PCBP3: variants seen among roughly 807,000 people sequenced by gnomAD.
The protein encoded by PCBP3 is poly(rC) binding protein 3.
Under a neutral mutation model 52.7 loss-of-function variants are expected in PCBP3, and 25 were observed. That is an observed-to-expected ratio of 0.47 (90% CI 0.35 to 0.66). The LOEUF (loss-of-function observed/expected upper bound fraction) is 0.66. Among genes scored for constraint, PCBP3 ranks in the 30% least tolerant of loss-of-function variants. The pLI is 0.01. For missense variants in PCBP3, 391 were observed against 490.3 expected (o/e 0.80, Z 1.91); for synonymous variants, 162 against 183.0 (o/e 0.89, Z 0.93).
intron 4 of PCBP3, among the ~76,000 whole-genome samples, chr21:45,832,220 C>CGTTCCTG (rs1292475376): frequency 1.2e-4 from 18 of 152,178 alleles, no homozygotes; most frequent in African/African-American, 4.3e-4. Context: ...GTTGCCATGG[C>CGTTCCTG]ATTTGTAAAC....
intron 4 of PCBP3, among the ~76,000 whole-genome samples, chr21:45,783,602 G>T (rs1339570440): frequency 2.0e-5 from 3 of 152,200 alleles, no homozygotes; most frequent in Admixed American, 6.5e-5. Context: ...AGAAGTTAGG[G>T]TGAGGACGGG....
intron 5 of PCBP3, chr21:45,869,207 G>A (rs1284509876): frequency 1.3e-5 from 2 of 152,222 alleles, no homozygotes; most frequent in Non-Finnish European, 2.9e-5. Flanking sequence ...GGGATTAACA[G>A]GCCGTCAGCG....
At chr21:45,789,465 G>C (rs533082043) in intron 4 of PCBP3, among the ~76,000 whole-genome samples, 1 of 152,152 alleles carries the variant, frequency 6.6e-6, no homozygotes, top group Non-Finnish European at 1.5e-5. Context: ...CATGCAGTTG[G>C]GGGTTGCCAG....
At chr21:45,899,339 A>C (rs974248201) in intron 6 of PCBP3, among the ~76,000 whole-genome samples, 2 of 152,068 alleles carry the variant, frequency 1.3e-5, no homozygotes, top group Non-Finnish European at 2.9e-5. Flanking sequence ...CCCCCGGGGC[A>C]CTTACAGTCA....
At chr21:45,836,989 C>A (rs956859799) in intron 4 of PCBP3, among the ~76,000 whole-genome samples, 1 of 152,118 alleles carries the variant, frequency 6.6e-6, no homozygotes, top group Non-Finnish European at 1.5e-5. Flanking sequence ...GTGATGCTTC[C>A]GTGGACATTC....
intron 3 of PCBP3, chr21:45,748,192 A>C (rs772934246): frequency 1.3e-5 from 2 of 152,484 alleles, no homozygotes; most frequent in Non-Finnish European, 2.9e-5. Context: ...CCATCCATTC[A>C]TTGGAGATGC....
In PCBP3 at chr21:45,905,822, C is replaced by T. The variant is rs142329808; in HGVS notation, c.340-3533C>T. ...AGCCCCATCTCTAAACACAATCACA[C>T]GGAGGGTCAGGGTTTCAGTGGATGA... is the stretch of plus-strand genomic sequence containing the variant. On this transcript the variant is annotated intron_variant, in intron 9 of 17. Coordinates refer to ENST00000681687, the MANE Select transcript of PCBP3 (RefSeq NM_001384156.1). Among the ~76,000 whole-genome samples, 274 of 152,262 alleles carry T rather than the reference C, an allele frequency of 1.8e-3. 2 individuals carry two copies. The highest frequency in any genetic ancestry group is 5.2e-3 in the African/African-American group (218 of 41,552).
intron 2 of PCBP3, among the ~76,000 whole-genome samples, chr21:45,713,092 C>A (rs1326207334): frequency 6.6e-6 from 1 of 152,152 alleles, no homozygotes; most frequent in Non-Finnish European, 1.5e-5. Context: ...CTACAGAGGC[C>A]AGCTTCTAGG....
At chr21:45,816,932 C>T (rs150912622) in intron 4 of PCBP3, among the ~76,000 whole-genome samples, 292 of 152,112 alleles carry the variant, frequency 1.9e-3, no homozygotes, top group Middle Eastern at 6.8e-3. Flanking sequence ...TCACCACAGG[C>T]GTGGGGGGAG....
chr21:45,723,551 C>G (rs2084815884), intron 2 of PCBP3, among the ~76,000 whole-genome samples: 2 of 152,218 alleles, frequency 1.3e-5, no homozygotes, highest in Admixed American at 1.3e-4. Context: ...TAAAGCCCAT[C>G]AGTGTAATTT....
chr21:45,930,056 A>C (rs1161623883), intron 14 of PCBP3, 61 bp downstream of exon 14: 1 of 1,268,036 alleles, frequency 7.9e-7, no homozygotes, highest in Non-Finnish European at 1.2e-6. Context: ...TCTCTTTCTG[A>C]GCTGTGTTAT....
intron 1 of PCBP3, among the ~76,000 whole-genome samples, chr21:45,646,083 T>C (rs9978687): frequency 0.14 from 14,041 of 98,114 alleles, 1,196 homozygotes; most frequent in Middle Eastern, 0.25. Context: ...CTCTCTCTCT[T>C]TCTCTCTCTC....
At chr21:45,909,742 C>T (rs1452507086) in intron 10 of PCBP3, among the ~76,000 whole-genome samples, 3 of 147,938 alleles carry the variant, frequency 2.0e-5, no homozygotes, top group Non-Finnish European at 4.5e-5. Flanking sequence ...AGACCTGGCC[C>T]ACCCACTGCC....
At chr21:45,655,741 C>T (rs1385836977) in intron 1 of PCBP3, among the ~76,000 whole-genome samples, 7 of 152,020 alleles carry the variant, frequency 4.6e-5, no homozygotes, top group African/African-American at 1.7e-4. Flanking sequence ...AATGGGAGAA[C>T]GTCTTTACAA....
At chr21:45,941,465 C>T (rs1429487809) in intron 17 of PCBP3, among the ~76,000 whole-genome samples, 1 of 152,164 alleles carries the variant, frequency 6.6e-6, no homozygotes, top group Non-Finnish European at 1.5e-5. Context: ...GCTCACACAC[C>T]TGACGTGGTG....
chr21:45,876,855 G>T (rs1377197014), intron 5 of PCBP3, among the ~76,000 whole-genome samples: 1 of 152,250 alleles, frequency 6.6e-6, no homozygotes, highest in Admixed American at 6.5e-5. Context: ...GCTAACGGGG[G>T]TATGGCCAGA....
chr21:45,822,682 G>A, intron 4 of PCBP3, among the ~76,000 whole-genome samples: 1 of 152,016 alleles, frequency 6.6e-6, no homozygotes, highest in South Asian at 2.1e-4. Context: ...CCCAGCAGGG[G>A]ACAGGGTTAG....
At chr21:45,740,954 C>T (rs979089404) in intron 3 of PCBP3, among the ~76,000 whole-genome samples, 4 of 152,182 alleles carry the variant, frequency 2.6e-5, no homozygotes, top group African/African-American at 4.8e-5. Flanking sequence ...GAGTCAGCCT[C>T]TCAGCCCTCT....
chr21:45,692,321 C>A lies in PCBP3; in HGVS notation c.-200+23369C>A, dbSNP rs1004588527. Among the ~76,000 whole-genome samples, 3 of 150,708 alleles carry A rather than the reference C, an allele frequency of 2.0e-5. No individual in the cohort carries two copies. In the East Asian group the frequency reaches 5.9e-4, roughly 29 times the overall value. ...AGAAATCAACAAAATTTAAAACAGACAAAAAATTGAGCCAAAAGCTGGTTC... is the reference window on the plus strand; with the variant it reads ...AGAAATCAACAAAATTTAAAACAGAAAAAAAATTGAGCCAAAAGCTGGTTC... On this transcript the variant is annotated intron_variant, in intron 2 of 17. Transcript: ENST00000681687.
Sources: allele counts gnomAD v4.1 joint callset (sites outside exome capture counted in the v4.1 genomes callset), GRCh38; gene constraint gnomAD v4.1.1; transcripts MANE v1.5; gene names NCBI Gene and HGNC (gene_info 2026-07-23, HGNC 2026-07-21).